SPATA13: variants seen among roughly 807,000 people sequenced by gnomAD.
The protein encoded by SPATA13 is spermatogenesis associated 13, also known as spermatogenesis-associated protein 13.
SPATA13 carries 50 observed loss-of-function variants against 104.0 expected under a neutral mutation model. The ratio of observed to expected loss-of-function variants is 0.48; its 90% confidence interval spans 0.38 to 0.61. SPATA13 has a LOEUF of 0.61. Ranked by LOEUF, SPATA13 falls within the 20% of genes least tolerant of loss-of-function variation. SPATA13 has a pLI of 0.00. For synonymous variants in SPATA13, 606 were observed against 667.5 expected (o/e 0.91, Z 1.42); for missense variants, 1,524 against 1,690.6 (o/e 0.90, Z 1.73).
intron 1 of SPATA13, among the ~76,000 whole-genome samples, chr13:24,162,002 C>G (rs149716683): frequency 8.6e-4 from 131 of 152,174 alleles, no homozygotes; most frequent in African/African-American, 2.9e-3. Flanking sequence ...CCAACAAATT[C>G]TCCTTTTTTC....
intron 3 of SPATA13, among the ~76,000 whole-genome samples, chr13:24,022,668 A>G (rs1877038534): frequency 6.6e-6 from 1 of 152,196 alleles, no homozygotes; most frequent in Admixed American, 6.5e-5. Flanking sequence ...CTAAAACAAG[A>G]AGAAACCATC....
intron 1 of SPATA13, among the ~76,000 whole-genome samples, chr13:24,175,175 A>T (rs1394871545): frequency 6.6e-6 from 1 of 152,198 alleles, no homozygotes; most frequent in Non-Finnish European, 1.5e-5. Context: ...GGTCGAGGGC[A>T]TTAATCCTGC....
At chr13:24,186,052 A>G (rs1035697433) in intron 1 of SPATA13, among the ~76,000 whole-genome samples, 18 of 152,202 alleles carry the variant, frequency 1.2e-4, no homozygotes, top group Admixed American at 1.3e-4. Flanking sequence ...CTCAAAATCT[A>G]CTGATTTAAC....
intron 3 of SPATA13, chr13:24,122,829 G>T: frequency 1.3e-6 from 1 of 773,612 alleles, no homozygotes; most frequent in Non-Finnish European, 2.4e-6. Flanking sequence ...GTGCACTAAA[G>T]AGAAGATCTC....
At chr13:24,302,454 TGTCTCAAAAAAAAAAAAAA>T (rs1877255463) in intron 12 of SPATA13, 125 bp from the exon 13 acceptor site, 1 of 528,048 alleles carries the variant, frequency 1.9e-6, no homozygotes, top group Admixed American at 4.5e-5. Context: ...AGTAAGACCC[TGTCTCAAAAAAAAAAAAAA>T]AAAAAAAAAA....
intron 1 of SPATA13, among the ~76,000 whole-genome samples, chr13:24,188,817 C>T (rs1028473899): frequency 9.9e-5 from 15 of 152,220 alleles, no homozygotes; most frequent in Admixed American, 2.0e-4. Flanking sequence ...CTTCAAAGGA[C>T]ACAATGATTC....
At chr13:24,260,902 A>G (rs1175686507) in intron 4 of SPATA13, among the ~76,000 whole-genome samples, 2 of 152,218 alleles carry the variant, frequency 1.3e-5, no homozygotes, top group Non-Finnish European at 1.5e-5. Flanking sequence ...GCACCTATGT[A>G]TGCCTTAAGT....
chr13:24,040,526 G>A (rs1159872234), intron 3 of SPATA13, among the ~76,000 whole-genome samples: 1 of 152,188 alleles, frequency 6.6e-6, no homozygotes, highest in Non-Finnish European at 1.5e-5. Context: ...TGGAGAGGAG[G>A]CTACCACCAG....
At chr13:24,068,644 A>G (rs1331174534) in intron 3 of SPATA13, among the ~76,000 whole-genome samples, 1 of 152,178 alleles carries the variant, frequency 6.6e-6, no homozygotes, top group African/African-American at 2.4e-5. Flanking sequence ...TTCCACCAGC[A>G]TCTGTTATTT....
intron 1 of SPATA13, among the ~76,000 whole-genome samples, chr13:24,201,296 G>A (rs1240474540): frequency 6.6e-6 from 1 of 151,818 alleles, no homozygotes; most frequent in African/African-American, 2.4e-5. Flanking sequence ...ATTTTTTAGA[G>A]CACTTTTAGG....
chr13:23,987,197 T>C (rs1399941041), intron 2 of SPATA13, among the ~76,000 whole-genome samples: 4 of 152,056 alleles, frequency 2.6e-5, no homozygotes, highest in Non-Finnish European at 5.9e-5. Context: ...AATCTTGGGG[T>C]CTTATTTAGC....
chr13:24,254,147 A>C (rs1019184662), intron 4 of SPATA13, among the ~76,000 whole-genome samples: 5 of 152,134 alleles, frequency 3.3e-5, no homozygotes, highest in African/African-American at 1.2e-4. Flanking sequence ...TCATTTTCCC[A>C]GTGGTACGAA....
intron 3 of SPATA13, among the ~76,000 whole-genome samples, chr13:24,130,006 A>G (rs979495206): frequency 1.3e-5 from 2 of 152,148 alleles, no homozygotes; most frequent in Admixed American, 1.3e-4. Context: ...GGGAAGTGCA[A>G]AGAGGTGGGT....
chr13:24,258,192 G>A (rs577895460), intron 4 of SPATA13, among the ~76,000 whole-genome samples: 4 of 151,034 alleles, frequency 2.6e-5, no homozygotes, highest in South Asian at 4.2e-4. Context: ...CCTACATTGC[G>A]CCATGGCACT....
chr13:24,235,607 A>G (rs539242655), intron 2 of SPATA13, among the ~76,000 whole-genome samples: 1 of 152,260 alleles, frequency 6.6e-6, no homozygotes, highest in South Asian at 2.1e-4. Flanking sequence ...AAAAAAAATA[A>G]AAAGCCAGGT....
At chr13:24,115,793 C>T (rs1447098591) in intron 3 of SPATA13, among the ~76,000 whole-genome samples, 1 of 152,170 alleles carries the variant, frequency 6.6e-6, no homozygotes, top group Non-Finnish European at 1.5e-5. Flanking sequence ...GCAAGCTTGA[C>T]CAGGAATAGA....
chr13:24,106,633 T>C (rs1880464246), intron 3 of SPATA13, among the ~76,000 whole-genome samples: 1 of 152,198 alleles, frequency 6.6e-6, no homozygotes, highest in South Asian at 2.1e-4. Context: ...ATTCGGTGAT[T>C]GTTTGTTTCC....
At chr13:24,010,276 A>G (rs542609218) in intron 2 of SPATA13, among the ~76,000 whole-genome samples, 52 of 152,288 alleles carry the variant, frequency 3.4e-4, no homozygotes, top group African/African-American at 1.1e-3. Context: ...GGGGCAGAGG[A>G]AGCAATCAGA....
intron 4 of SPATA13, among the ~76,000 whole-genome samples, chr13:24,281,635 G>A (rs567087003): frequency 1.5e-4 from 22 of 150,914 alleles, no homozygotes; most frequent in East Asian, 9.7e-4. Flanking sequence ...CTGGGATGTC[G>A]GGGTTTCTCT....
Sources: allele counts gnomAD v4.1 joint callset (sites outside exome capture counted in the v4.1 genomes callset), GRCh38; gene constraint gnomAD v4.1.1; transcripts MANE v1.5; gene names NCBI Gene and HGNC (gene_info 2026-07-23, HGNC 2026-07-21).